The following GLB1 variants were observed in gnomAD, a reference collection of about 807,000 sequenced individuals.
GLB1 encodes the protein galactosidase beta 1.
In GLB1, 56 loss-of-function variants were observed where a neutral mutation model predicts 74.0. The observed-to-expected ratio is 0.76, with a 90% CI of 0.61 to 0.94. The LOEUF is 0.94. GLB1 is among the 40% of genes least tolerant of loss of function. The pLI, the probability that GLB1 is intolerant of heterozygous loss-of-function variation, is 0.00. For synonymous variants in GLB1, 323 were observed against 323.6 expected, an observed-to-expected ratio of 1.00 and a Z score of 0.02; for missense variants, 787 against 845.5, an observed-to-expected ratio of 0.93 and a Z score of 0.86.
chr3:32,990,814 A>T, the GLB1 span, among the ~76,000 whole-genome samples: 2 of 152,124 alleles, frequency 1.3e-5, no homozygotes, highest in African/African-American at 4.8e-5. Context: ...TCTACTAAAA[A>T]ATACAAAAAA....
chr3:32,962,271 T>C, the GLB1 span, among the ~76,000 whole-genome samples: 1 of 151,800 alleles, frequency 6.6e-6, no homozygotes, highest in East Asian at 1.9e-4. Context: ...TAGTTCTGGA[T>C]CAGAAAAAGG....
intron 12 of GLB1, chr3:33,021,235 A>C: frequency 2.7e-6 from 1 of 376,446 alleles, no homozygotes; most frequent in Non-Finnish European, 5.0e-6. Context: ...TTGAGTATTA[A>C]AACAGTGATC....
chr3:33,091,116 G>C (rs986564373), intron 1 of GLB1: 2 of 985,248 alleles, frequency 2.0e-6, no homozygotes, highest in Non-Finnish European at 2.4e-6. Context: ...GAACTTAAAG[G>C]GAGTAAGGAT....
chr3:33,068,103 T>C lies in GLB1; in HGVS notation c.457+127A>G. 2.2e-6 allele frequency: 3 copies of C among 1,369,610 alleles called. No individual in the cohort carries two copies. The Admixed American group carries it at 5.2e-5, about 24-fold the overall frequency. 84.8% of individuals were successfully genotyped at this position (1,369,610 alleles called of 1,614,324 possible). On this transcript the variant is annotated intron_variant, in intron 4 of 15. Transcript: ENST00000307363. Reference sequence around the variant, plus strand: ...GGTTTTGCCATTTTGGCCAGCCTGGTCTCGAACTCCCAACCTCAGGTAATC... The same window carrying C: ...GGTTTTGCCATTTTGGCCAGCCTGGCCTCGAACTCCCAACCTCAGGTAATC...
intron 9 of GLB1, among the ~76,000 whole-genome samples, chr3:33,049,799 G>A (rs1007165381): frequency 8.6e-5 from 13 of 151,998 alleles, no homozygotes; most frequent in African/African-American, 3.1e-4. Flanking sequence ...ACACGCCCCA[G>A]GCACACTATT....
Position 33,079,224 on chromosome 3 carries a change from G to T in GLB1, c.76-6511C>A, listed in dbSNP as rs1489573426. 5.9e-5 allele frequency among the ~76,000 whole-genome samples: 9 copies of T among 152,256 alleles called. No individual in the cohort carries two copies. In the East Asian group the frequency reaches 1.7e-3, roughly 29 times the overall value. ...GGGAAGGGACGTGAGGGAACTTTCT[G>T]GGGTAATGGTAATTAATATTCCATA... is the stretch of plus-strand genomic sequence containing the variant. On this transcript the variant is annotated intron_variant, in intron 1 of 15. Transcript: ENST00000307363.
rs1350583798 is a variant in GLB1 at position 33,053,555 on chromosome 3, A to T, written c.734-6T>A. ...AGCATCTGTGATGTTGCTGCCTGAAAATTGTAAGAGGGAGAAGGTAGGTCA... is the reference window on the plus strand; with the variant it reads ...AGCATCTGTGATGTTGCTGCCTGAATATTGTAAGAGGGAGAAGGTAGGTCA... On this transcript the variant is annotated splice_region_variant and splice_polypyrimidine_tract_variant and intron_variant, in intron 6 of 15. Transcript: ENST00000307363. The T allele has an allele frequency of 6.2e-7, 1 of 1,614,016 alleles. No homozygotes were observed.
the GLB1 span, among the ~76,000 whole-genome samples, chr3:32,967,667 C>G: frequency 6.6e-6 from 1 of 151,978 alleles, no homozygotes; most frequent in Non-Finnish European, 1.5e-5. Flanking sequence ...CTCTCTGATT[C>G]CTTAAAATCC....
chr3:32,978,765 C>CTTTTTTTTTTT, the GLB1 span, among the ~76,000 whole-genome samples: 1 of 126,072 alleles, frequency 7.9e-6, no homozygotes, highest in Non-Finnish European at 1.6e-5. Flanking sequence ...TTCTTTCTTT[C>CTTTTTTTTTTT]TTTTTTTTTT....
At chr3:32,983,041 G>T in the GLB1 span, among the ~76,000 whole-genome samples, 1 of 152,060 alleles carries the variant, frequency 6.6e-6, no homozygotes, top group African/African-American at 2.4e-5. Flanking sequence ...GCTTCTATTT[G>T]TTGCTGGTGT....
intron 9 of GLB1, among the ~76,000 whole-genome samples, chr3:33,049,889 T>C (rs147464776): frequency 1.6e-4 from 24 of 152,302 alleles, no homozygotes; most frequent in Non-Finnish European, 3.2e-4. Flanking sequence ...TGATAATGCT[T>C]GTAAGCGATG....
intron 1 of GLB1, among the ~76,000 whole-genome samples, chr3:33,078,854 A>AT (rs1382361515): frequency 6.6e-6 from 1 of 151,870 alleles, no homozygotes; most frequent in African/African-American, 2.4e-5. Context: ...ATTTTTTAAG[A>AT]TTTTTTGGAT....
chr3:33,034,030 T>C, intron 10 of GLB1: 1 of 547,016 alleles, frequency 1.8e-6, no homozygotes, highest in Non-Finnish European at 3.6e-6. Context: ...TCAGAAGTCA[T>C]GAGAGTCCTA....
At chr3:33,020,738 A>G (rs949959439) in intron 12 of GLB1, among the ~76,000 whole-genome samples, 4 of 152,236 alleles carry the variant, frequency 2.6e-5, no homozygotes, top group Middle Eastern at 6.3e-3. Flanking sequence ...TATAGAATTT[A>G]TATTAGATAA....
At chr3:33,064,953 G>A (rs1268113229) in intron 5 of GLB1, among the ~76,000 whole-genome samples, 1 of 152,082 alleles carries the variant, frequency 6.6e-6, no homozygotes, top group East Asian at 1.9e-4. Context: ...GGAGAATGGG[G>A]CAGGAAGTAA....
intron 1 of GLB1, chr3:33,096,780 G>A (rs967914090): frequency 3.7e-4 from 498 of 1,334,846 alleles, no homozygotes; most frequent in Non-Finnish European, 4.3e-4. Context: ...CGGCCGGAGC[G>A]GAACGCACAA....
chr3:33,033,778 C>CAAAAAA, intron 10 of GLB1: 1 of 179,808 alleles, frequency 5.6e-6, no homozygotes, highest in Non-Finnish European at 1.0e-5. Context: ...GAGACTGTCT[C>CAAAAAA]AAAAAAAAAA....
At chr3:32,969,878 C>T in the GLB1 span, among the ~76,000 whole-genome samples, 3 of 152,264 alleles carry the variant, frequency 2.0e-5, no homozygotes, top group African/African-American at 7.2e-5. Flanking sequence ...AACAATCCAC[C>T]ACAAGGGCCT....
At position 33,046,213 on chromosome 3, in the gene GLB1, T is replaced by C. The variant is rs1380215832; in HGVS notation, c.975A>G (p.Ala325=). Residue 325 remains alanine (A), a synonymous_variant, in exon 10 of 16, where the codon GCA becomes GCG. Transcript: ENST00000307363. ...AYWNGANSPY[A]AQPTSYDYDA... Reference sequence around the variant, plus strand: ...CATAGTCGTAGCTGGTGGGCTGTGCTGCATAGGGTGAGTTGGCCCCTAGAA... The same window carrying C: ...CATAGTCGTAGCTGGTGGGCTGTGCCGCATAGGGTGAGTTGGCCCCTAGAA... 2 of 1,614,058 alleles carry C rather than the reference T, an allele frequency of 1.2e-6. No individual in the cohort carries two copies. The highest frequency in any genetic ancestry group is 8.5e-7 in the Non-Finnish European group (1 of 1,180,006).
Sources: allele counts gnomAD v4.1 joint callset (sites outside exome capture counted in the v4.1 genomes callset), GRCh38; gene constraint gnomAD v4.1.1; transcripts MANE v1.5; gene names NCBI Gene and HGNC (gene_info 2026-07-23, HGNC 2026-07-21).